Variants in CREBBP observed in about 807,000 individuals in gnomAD.
CREBBP encodes the protein CREB-binding protein.
In CREBBP, 19 loss-of-function variants were observed where a neutral mutation model predicts 265.0. The ratio of observed to expected loss-of-function variants is 0.07; its 90% CI spans 0.05 to 0.11. CREBBP has a LOEUF of 0.11. CREBBP is among the 10% of genes least tolerant of loss of function. CREBBP has a pLI of 1.00. For synonymous variants in CREBBP, 1,457 were observed against 1,223.7 expected (o/e 1.19, Z -3.98); for missense variants, 2,525 against 3,219.0 (o/e 0.78, Z 5.22).
At chr16:3,876,409 A>AC (rs2055402587) in intron 1 of CREBBP, among the ~76,000 whole-genome samples, 1 of 145,004 alleles carries the variant, frequency 6.9e-6, no homozygotes, top group African/African-American at 2.7e-5. Context: ...CAAAAAAAAA[A>AC]AAAAAAAAAA....
chr16:3,740,710 G>A, intron 23 of CREBBP, 161 bp from the exon 24 acceptor site: 3 of 880,928 alleles, frequency 3.4e-6, no homozygotes, highest in East Asian at 2.7e-5. Flanking sequence ...TGACACGAGT[G>A]TTATATAAAG....
intron 2 of CREBBP, among the ~76,000 whole-genome samples, chr16:3,810,991 C>G (rs1010850065): frequency 6.6e-6 from 1 of 151,900 alleles, no homozygotes; most frequent in African/African-American, 2.4e-5. Context: ...CGCAAGTAGA[C>G]GAGCTGTTTC....
intron 24 of CREBBP, 95 bp from the exon 25 acceptor site, chr16:3,739,819 G>A (rs1345610431): frequency 6.4e-7 from 1 of 1,561,104 alleles, no homozygotes; most frequent in South Asian, 1.1e-5. Context: ...GGCCACTGCA[G>A]ATGAGCGGAG....
intron 1 of CREBBP, among the ~76,000 whole-genome samples, chr16:3,867,820 T>C (rs1051475489): frequency 1.3e-5 from 2 of 151,360 alleles, no homozygotes; most frequent in Non-Finnish European, 2.9e-5. Context: ...TCCTAGCTAC[T>C]TGGGAGGCTG....
chr16:3,817,287 C>T (rs2054056881), intron 2 of CREBBP, among the ~76,000 whole-genome samples: 1 of 151,738 alleles, frequency 6.6e-6, no homozygotes, highest in Admixed American at 6.6e-5. Flanking sequence ...AATTACTGAC[C>T]CATCAGCCTC....
At chr16:3,852,290 T>C (rs1359775064) in intron 1 of CREBBP, among the ~76,000 whole-genome samples, 1 of 140,594 alleles carries the variant, frequency 7.1e-6, no homozygotes, top group Non-Finnish European at 1.5e-5. Context: ...TGCCTCAGCC[T>C]CCCAAGTAGC....
rs2141199132 is a variant in CREBBP at position 3,770,620 on chromosome 16, A to G, written c.2830T>C (p.Ser944Pro). Residue 944 changes from serine to proline, a missense_variant, in exon 14 of 31, where the codon TCA becomes CCA. By Grantham distance (74) the Ser-to-Pro change is moderately conservative. This residue lies in a region of CREBBP where 548 missense variants were observed against 533.0 expected (regional missense o/e 1.03). Transcript: ENST00000262367. The part of the protein sequence containing the change: ...VQPPSVATPQ[S>P]SQQQPTPVHA... Reference sequence around the variant, plus strand: ...ACAGGCGTCGGCTGTTGCTGCGATGACTGAGGGGTAGCCACAGACGGGGGC... The same window carrying G: ...ACAGGCGTCGGCTGTTGCTGCGATGGCTGAGGGGTAGCCACAGACGGGGGC... The G allele has an allele frequency of 6.2e-7, 1 of 1,613,862 alleles. No homozygotes were observed. Among genetic ancestry groups the G allele is most frequent in the Admixed American group, 1.7e-5 (1 of 60,018 alleles).
chr16:3,774,440 A>G (rs1227076680), intron 12 of CREBBP, 129 bp downstream of exon 12: 2 of 1,267,520 alleles, frequency 1.6e-6, no homozygotes, highest in African/African-American at 3.0e-5. Context: ...AGATGAAAGA[A>G]ATAAAGCATA....
chr16:3,794,225 G>C (rs183453554), intron 3 of CREBBP, among the ~76,000 whole-genome samples: 19 of 150,540 alleles, frequency 1.3e-4, no homozygotes, highest in Non-Finnish European at 2.2e-4. Flanking sequence ...CCACCTACTC[G>C]GGAGGCTGAG....
chr16:3,738,798 T>C, intron 25 of CREBBP, 126 bp from the exon 26 acceptor site: 2 of 716,180 alleles, frequency 2.8e-6, no homozygotes, highest in Non-Finnish European at 5.0e-6. Context: ...CAGGCTGCAA[T>C]GCGGTGACGC....
rs781168285 is a variant in CREBBP, at chr16:3,728,438, T to TGC, written c.6608_6609insGC (p.Gln2204HisfsTer99). 1.5e-4 allele frequency: 243 copies of TGC among 1,612,632 alleles called. 1 individual carries two copies. The African/African-American group carries it at 2.8e-3, about 19-fold the overall frequency. On this transcript the variant is annotated frameshift_variant, in exon 31 of 31. Coordinates refer to ENST00000262367, the MANE Select transcript of CREBBP (RefSeq NM_004380.3). LOFTEE classifies it high-confidence loss of function. The surrounding 1 kb of genome is among the most constrained non-coding windows in gnomAD (Gnocchi z 8.7). ...GTTGCTGCTGTTGTTGCTGCTGCTG[T>TGC]TGCTGCTGCTGCTGCAGCAGCTGCC... is the stretch of plus-strand genomic sequence containing the variant.
At chr16:3,776,256 A>G (rs1197940336) in intron 11 of CREBBP, among the ~76,000 whole-genome samples, 4 of 152,098 alleles carry the variant, frequency 2.6e-5, no homozygotes, top group Non-Finnish European at 5.9e-5. Flanking sequence ...AGCCTGAGCA[A>G]AGCCTCTTTC....
intron 2 of CREBBP, among the ~76,000 whole-genome samples, chr16:3,829,453 G>A (rs1450414849): frequency 6.6e-6 from 1 of 152,178 alleles, no homozygotes; most frequent in African/African-American, 2.4e-5. Flanking sequence ...GGGCTTACTG[G>A]AGCTGTAACT....
chr16:3,804,323 T>C (rs1423296465), intron 3 of CREBBP, among the ~76,000 whole-genome samples: 2 of 152,168 alleles, frequency 1.3e-5, no homozygotes. Flanking sequence ...TTACGACATT[T>C]ACAGGTTCTA....
chr16:3,877,535 T>C (rs2055428788), intron 1 of CREBBP, among the ~76,000 whole-genome samples: 3 of 152,202 alleles, frequency 2.0e-5, no homozygotes, highest in African/African-American at 7.2e-5. Flanking sequence ...CTCAAGTAGC[T>C]GGAATTACAG....
At chr16:3,778,349 G>C (rs2141235740) in intron 9 of CREBBP, among the ~76,000 whole-genome samples, 167 bp from the exon 10 acceptor site, 1 of 152,272 alleles carries the variant, frequency 6.6e-6, no homozygotes, top group Non-Finnish European at 1.5e-5. Flanking sequence ...AATTCCCAAT[G>C]ACTTTATAGG....
rs1212510329 is a variant in CREBBP at position 3,725,383 on chromosome 16, A to G, written c.*2335T>C. The G allele has an allele frequency of 8.6e-6, 2 of 233,076 alleles. No individual in the cohort carries two copies. Among genetic ancestry groups the G allele is most frequent in the Middle Eastern group, 1.2e-3 (1 of 808 alleles). 14.4% of individuals were successfully genotyped at this position (233,076 alleles called of 1,614,324 possible). A position where few individuals can be genotyped will look rare whatever the true frequency, so the allele number is the denominator to read the frequency against. ...CAGAGGCCCCTCCACTGCCCACATTAAAAGGCTGCACAACCAGGAGGGCGC... is the reference window on the plus strand; with the variant it reads ...CAGAGGCCCCTCCACTGCCCACATTGAAAGGCTGCACAACCAGGAGGGCGC... On this transcript the variant is annotated 3_prime_UTR_variant, in exon 31 of 31. Coordinates refer to ENST00000262367, the MANE Select transcript of CREBBP (RefSeq NM_004380.3).
chr16:3,740,708 G>C, intron 23 of CREBBP, 159 bp from the exon 24 acceptor site: 1 of 896,862 alleles, frequency 1.1e-6, no homozygotes, highest in Non-Finnish European at 1.8e-6. Flanking sequence ...TGTGACACGA[G>C]TGTTATATAA....
intron 21 of CREBBP, chr16:3,745,771 G>C (rs1240942822): frequency 1.3e-5 from 4 of 308,974 alleles, no homozygotes; most frequent in Non-Finnish European, 2.5e-5. Context: ...TTCTAAACAT[G>C]TGCTCTTAAG....
Sources: gnomAD v4.1 joint callset for allele counts (sites outside exome capture counted in the v4.1 genomes callset) on GRCh38, gnomAD v4.1.1 for gene constraint, gnomAD v4.1.1 regional missense constraint, Gnocchi (gnomAD v3.1) non-coding constraint, MANE v1.5 for transcripts, NCBI Gene and HGNC (gene_info 2026-07-23, HGNC 2026-07-21) for gene names.